SUMO2: variants seen among roughly 807,000 people sequenced by gnomAD.
The protein encoded by SUMO2 is small ubiquitin like modifier 2.
SUMO2 carries 1 observed loss-of-function variant against 16.0 expected under a neutral mutation model. That is an observed-to-expected ratio of 0.06 (90% CI 0.02 to 0.30). SUMO2 has a LOEUF of 0.30. SUMO2 is among the 10% of genes least tolerant of loss of function. SUMO2 has a pLI of 1.00. For synonymous variants in SUMO2, 36 were observed against 40.6 expected (o/e 0.89, Z 0.43); for missense variants, 16 against 117.5 (o/e 0.14, Z 3.99).
In SUMO2 at chr17:75,168,104, A is replaced by G; in HGVS notation, c.*235T>C. 2 of 371,732 alleles carry G rather than the reference A, an allele frequency of 5.4e-6. No individual in the cohort carries two copies. Among genetic ancestry groups the G allele is most frequent in the Non-Finnish European group, 9.6e-6 (2 of 209,000 alleles). 23.0% of individuals were successfully genotyped at this position (371,732 alleles called of 1,614,324 possible). A position where few individuals can be genotyped will look rare whatever the true frequency, so the allele number is the denominator to read the frequency against. ...CCCATCCCGTCTCCACTTGATGTCA[A>G]TCAAAACATACCATTGGCTGTTTAG... On this transcript the variant is annotated 3_prime_UTR_variant, in exon 4 of 4. Transcript: ENST00000420826.
chr17:75,174,613 G>C, intron 3 of SUMO2, 139 bp downstream of exon 3: 1 of 617,488 alleles, frequency 1.6e-6, no homozygotes, highest in Non-Finnish European at 2.7e-6. Context: ...TTTCCTTTCT[G>C]TTCCCCTCTG....
chr17:75,174,053 G>C (rs2074762737), intron 3 of SUMO2, among the ~76,000 whole-genome samples: 1 of 152,142 alleles, frequency 6.6e-6, no homozygotes, highest in South Asian at 2.1e-4. Flanking sequence ...TGTTCATGAA[G>C]ACACGTAAAA....
At chr17:75,170,378 T>C (rs2145216501) in intron 3 of SUMO2, among the ~76,000 whole-genome samples, 1 of 152,104 alleles carries the variant, frequency 6.6e-6, no homozygotes, top group East Asian at 1.9e-4. Flanking sequence ...AAACCCATCC[T>C]GGCCAACATG....
At chr17:75,180,051 T>C (rs1375148575) in intron 2 of SUMO2, among the ~76,000 whole-genome samples, 1 of 152,130 alleles carries the variant, frequency 6.6e-6, no homozygotes, top group African/African-American at 2.4e-5. Flanking sequence ...TTTAGAACAA[T>C]CTGAAGGGGC....
At chr17:75,168,602 T>C (rs2074711069) in intron 3 of SUMO2, among the ~76,000 whole-genome samples, 1 of 151,856 alleles carries the variant, frequency 6.6e-6, no homozygotes, top group Admixed American at 6.6e-5. Flanking sequence ...GACTATTAGA[T>C]AAAACTTTTT....
At chr17:75,181,219 G>A (rs2074826091) in intron 1 of SUMO2, 31 bp from the exon 2 acceptor site, 1 of 1,608,182 alleles carries the variant, frequency 6.2e-7, no homozygotes, top group Non-Finnish European at 8.5e-7. Context: ...GTATAATTTG[G>A]GAAATGTGAT....
chr17:75,182,749 C>A, intron 1 of SUMO2, 65 bp downstream of exon 1: 1 of 1,255,280 alleles, frequency 8.0e-7, no homozygotes, highest in South Asian at 2.9e-5. Context: ...GGGCTCTGGC[C>A]GGACCCCGGC....
rs373069268 is a variant in SUMO2, at chr17:75,174,867, G to A, written c.154-44C>T. 2.1e-5 allele frequency: 32 copies of A among 1,545,360 alleles called. No individual in the cohort carries two copies. In the African/African-American group the frequency reaches 3.6e-4, roughly 17 times the overall value. On this transcript the variant is annotated intron_variant, in intron 2 of 3. Transcript: ENST00000420826. ...GCAATAAACAGCATTAAGAGAAACA[G>A]AATTCTATTTACATAAAAGTACATG... is the stretch of plus-strand genomic sequence containing the variant.
chr17:75,180,120 CACTTGAGGTCAGG>C (rs1315438836), intron 2 of SUMO2, among the ~76,000 whole-genome samples: 1 of 151,704 alleles, frequency 6.6e-6, no homozygotes, highest in African/African-American at 2.4e-5. Context: ...GTGGGCGGAT[CACTTGAGGTCAGG>C]AGTTGAGGTC....
Position 75,168,205 on chromosome 17 carries a change from G to C in SUMO2, c.*134C>G. 1 of 660,570 alleles carries C rather than the reference G, an allele frequency of 1.5e-6. No homozygotes were observed. Among genetic ancestry groups the C allele is most frequent in the Non-Finnish European group, 2.4e-6 (1 of 411,764 alleles). 40.9% of individuals were successfully genotyped at this position (660,570 alleles called of 1,614,324 possible). A position where few individuals can be genotyped will look rare whatever the true frequency, so the allele number is the denominator to read the frequency against. ...ATGTACAATAAAGGAATGGGGAAGGGGGAAATGAAAGAATAGAGAAAACTA... is the reference window on the plus strand; with the variant it reads ...ATGTACAATAAAGGAATGGGGAAGGCGGAAATGAAAGAATAGAGAAAACTA... On this transcript the variant is annotated 3_prime_UTR_variant, in exon 4 of 4. Coordinates refer to ENST00000420826, the MANE Select transcript of SUMO2 (RefSeq NM_006937.4).
At chr17:75,177,391 C>T (rs2074790970) in intron 2 of SUMO2, among the ~76,000 whole-genome samples, 1 of 151,488 alleles carries the variant, frequency 6.6e-6, no homozygotes, top group South Asian at 2.1e-4. Flanking sequence ...AAAAAATTTG[C>T]ATGGTGGCCA....
rs982596733 is a variant in SUMO2, at chr17:75,173,894, AC to A, written c.225+857del. 6.6e-5 allele frequency among the ~76,000 whole-genome samples: 10 copies of A among 152,216 alleles called. 1 individual carries two copies. Among genetic ancestry groups the A allele is most frequent in the Admixed American group, 1.3e-4 (2 of 15,254 alleles). Reference sequence around the variant, plus strand: ...AATCCAGCTGATCCTACAGAAAGTGACAGAACAAAATGAAGTGGTACATAAA... The same window carrying A: ...AATCCAGCTGATCCTACAGAAAGTGAAGAACAAAATGAAGTGGTACATAAA... On this transcript the variant is annotated intron_variant, in intron 3 of 3. Coordinates refer to ENST00000420826, the MANE Select transcript of SUMO2 (RefSeq NM_006937.4).
At chr17:75,170,738 C>G (rs1368962187) in intron 3 of SUMO2, among the ~76,000 whole-genome samples, 1 of 146,964 alleles carries the variant, frequency 6.8e-6, no homozygotes, top group Non-Finnish European at 1.5e-5. Flanking sequence ...TAATCCCAGC[C>G]ACTCAGGAGG....
chr17:75,180,366 A>G (rs2074817134), intron 2 of SUMO2, among the ~76,000 whole-genome samples: 1 of 148,148 alleles, frequency 6.8e-6, no homozygotes, highest in Non-Finnish European at 1.5e-5. Flanking sequence ...TTCTAGCTTA[A>G]AAGAAATAGA....
chr17:75,168,875 G>C lies in SUMO2; in HGVS notation c.226-474C>G, dbSNP rs373564646. Reference sequence around the variant, plus strand: ...CTGCCTCGGCCTCCCAAAGTGCTGGGATTACAGGTGTGAGCCACTGCGCCC... The same window carrying C: ...CTGCCTCGGCCTCCCAAAGTGCTGGCATTACAGGTGTGAGCCACTGCGCCC... On this transcript the variant is annotated intron_variant, in intron 3 of 3. Transcript: ENST00000420826. Among the ~76,000 whole-genome samples, 44 of 152,072 alleles carry C rather than the reference G, an allele frequency of 2.9e-4. No homozygotes were observed. The South Asian group carries it at 9.1e-3, about 32-fold the overall frequency.
rs921265861 is a variant in SUMO2 at position 75,166,094 on chromosome 17, C to A, written c.*2245G>T. On this transcript the variant is annotated 3_prime_UTR_variant, in exon 4 of 4. Transcript: ENST00000420826. Reference sequence around the variant, plus strand: ...TGGGGTCTAACACCTGAAACCCCAACACTTTGGGAGGCCAAGACAAGGGAC... The same window carrying A: ...TGGGGTCTAACACCTGAAACCCCAAAACTTTGGGAGGCCAAGACAAGGGAC... 1 of 152,258 alleles carries A rather than the reference C, an allele frequency of 6.6e-6. No individual in the cohort carries two copies. Among genetic ancestry groups the A allele is most frequent in the Non-Finnish European group, 1.5e-5 (1 of 68,132 alleles). 9.4% of individuals were successfully genotyped at this position (152,258 alleles called of 1,614,324 possible).
At chr17:75,177,171 CAA>C (rs55817377) in intron 2 of SUMO2, among the ~76,000 whole-genome samples, 28 of 111,598 alleles carry the variant, frequency 2.5e-4, no homozygotes, top group African/African-American at 4.9e-4. Flanking sequence ...ACTCTTGTCT[CAA>C]AAAAAAAAAA....
chr17:75,174,128 C>A (rs892739045), intron 3 of SUMO2, among the ~76,000 whole-genome samples: 1 of 152,200 alleles, frequency 6.6e-6, no homozygotes, highest in Non-Finnish European at 1.5e-5. Context: ...GTGGCTCACA[C>A]CTGTCAATCC....
At chr17:75,169,509 G>C (rs1007821009) in intron 3 of SUMO2, among the ~76,000 whole-genome samples, 2 of 149,484 alleles carry the variant, frequency 1.3e-5, no homozygotes, top group African/African-American at 4.9e-5. Context: ...TCAGCCTCCC[G>C]AGTAGCTGGG....
Sources: gnomAD v4.1 joint callset for allele counts (sites outside exome capture counted in the v4.1 genomes callset) on GRCh38, gnomAD v4.1.1 for gene constraint, MANE v1.5 for transcripts, NCBI Gene and HGNC (gene_info 2026-07-23, HGNC 2026-07-21) for gene names.